The following LRP1B variants were observed in gnomAD, a reference collection of about 807,000 sequenced individuals.
LRP1B encodes low-density lipoprotein receptor-related protein 1B.
A neutral mutation model predicts 556.6 loss-of-function variants in LRP1B; 217 were observed. The observed-to-expected ratio is 0.39, with a 90% CI of 0.35 to 0.44. The LOEUF (loss-of-function observed/expected upper bound fraction) is 0.44. Among genes scored for constraint, LRP1B ranks in the 20% least tolerant of loss-of-function variants. The pLI is 1.00. For synonymous variants in LRP1B, 2,047 were observed against 1,865.8 expected (o/e 1.10, Z -2.50); for missense variants, 5,053 against 5,620.8 (o/e 0.90, Z 3.23).
intron 1 of LRP1B, among the ~76,000 whole-genome samples, chr2:142,014,444 A>G (rs1481061932): frequency 6.6e-6 from 1 of 152,200 alleles, no homozygotes; most frequent in African/African-American, 2.4e-5. Flanking sequence ...GATTGAAAAT[A>G]CAAGCTTTAG....
At chr2:142,007,226 C>T (rs540344010) in intron 1 of LRP1B, among the ~76,000 whole-genome samples, 51 of 152,164 alleles carry the variant, frequency 3.4e-4, no homozygotes, top group Admixed American at 3.9e-4. Context: ...TTTCAAATAT[C>T]GAATTTGTTC....
At position 141,390,263 on chromosome 2, in the gene LRP1B, C is replaced by T. The variant is rs540932137; in HGVS notation, c.343+90133G>A. ...ATAAGGTGGAAAGCCACTCCTCCTA[C>T]AAAGGCTATATTAATATTTTTAATA... On this transcript the variant is annotated intron_variant, in intron 3 of 90. Coordinates refer to ENST00000389484, the MANE Select transcript of LRP1B (RefSeq NM_018557.3). 9.2e-5 allele frequency among the ~76,000 whole-genome samples: 14 copies of T among 152,102 alleles called. No individual in the cohort carries two copies. The East Asian group carries it at 2.3e-3, about 25-fold the overall frequency.
intron 3 of LRP1B, among the ~76,000 whole-genome samples, chr2:141,457,575 G>A (rs887991319): frequency 1.3e-5 from 2 of 152,086 alleles, no homozygotes; most frequent in Admixed American, 6.6e-5. Flanking sequence ...CATCCTACAC[G>A]TGTACCCTGG....
chr2:141,225,550 G>T (rs760492530), intron 6 of LRP1B, among the ~76,000 whole-genome samples: 2 of 152,060 alleles, frequency 1.3e-5, no homozygotes, highest in Non-Finnish European at 2.9e-5. Context: ...CTACAAATGT[G>T]CTTTGTATGA....
At chr2:141,354,751 G>A (rs1688564578) in intron 3 of LRP1B, among the ~76,000 whole-genome samples, 1 of 151,322 alleles carries the variant, frequency 6.6e-6, no homozygotes, top group South Asian at 2.1e-4. Context: ...TTCTACTCAA[G>A]TAAAGTGCAA....
intron 2 of LRP1B, among the ~76,000 whole-genome samples, chr2:141,574,491 T>C (rs539932606): frequency 6.6e-6 from 1 of 151,932 alleles, no homozygotes; most frequent in East Asian, 1.9e-4. Context: ...GTCAGTATCA[T>C]TCAGTATCAT....
chr2:140,816,552 ATTT>A (rs1322989846), intron 31 of LRP1B, among the ~76,000 whole-genome samples: 16 of 152,150 alleles, frequency 1.1e-4, no homozygotes, highest in Admixed American at 8.5e-4. Context: ...TCAAATTAAT[ATTT>A]TTAAGATTCA....
chr2:141,290,366 T>C (rs1685896504), intron 3 of LRP1B, among the ~76,000 whole-genome samples: 1 of 152,162 alleles, frequency 6.6e-6, no homozygotes, highest in Non-Finnish European at 1.5e-5. Flanking sequence ...TTAAAAAATA[T>C]GTATGTTTTG....
intron 35 of LRP1B, among the ~76,000 whole-genome samples, chr2:140,727,452 A>G (rs550897242): frequency 6.6e-6 from 1 of 152,260 alleles, no homozygotes; most frequent in African/African-American, 2.4e-5. Context: ...CCTCTGGAGG[A>G]GGCTATGAAA....
chr2:141,876,356 A>T (rs999917012), intron 1 of LRP1B, among the ~76,000 whole-genome samples: 5 of 151,992 alleles, frequency 3.3e-5, no homozygotes, highest in African/African-American at 1.2e-4. Context: ...GTAGTGGAAA[A>T]TAAAAACAGT....
At chr2:141,978,370 G>A (rs920488352) in intron 1 of LRP1B, among the ~76,000 whole-genome samples, 6 of 151,828 alleles carry the variant, frequency 4.0e-5, no homozygotes, top group African/African-American at 1.4e-4. Context: ...AGCATTTTGG[G>A]GTAGAAGAAT....
chr2:141,927,753 A>T (rs1700372656), intron 1 of LRP1B, among the ~76,000 whole-genome samples: 1 of 152,012 alleles, frequency 6.6e-6, no homozygotes, highest in Non-Finnish European at 1.5e-5. Context: ...GAAAAGACTG[A>T]TGGAAGAATC....
chr2:141,626,286 C>T (rs933137364), intron 2 of LRP1B, among the ~76,000 whole-genome samples: 2 of 152,130 alleles, frequency 1.3e-5, no homozygotes, highest in African/African-American at 4.8e-5. Flanking sequence ...AGACCCAGAC[C>T]TAACAGCCAT....
At chr2:140,511,292 CTTTTTTTTTTTTTTTT>C (rs70985101) in intron 51 of LRP1B, among the ~76,000 whole-genome samples, 4 of 58,458 alleles carry the variant, frequency 6.8e-5, no homozygotes, top group Admixed American at 2.6e-4. Flanking sequence ...CTCTAAGGGT[CTTTTTTTTTTTTTTTT>C]TTTTTTTTTT....
intron 3 of LRP1B, among the ~76,000 whole-genome samples, chr2:141,286,030 G>C (rs1685707115): frequency 7.7e-6 from 1 of 129,418 alleles, no homozygotes; most frequent in South Asian, 2.4e-4. Context: ...TCCCGCCACT[G>C]CACTCCAGCC....
intron 7 of LRP1B, among the ~76,000 whole-genome samples, chr2:141,076,052 G>A (rs1357966): frequency 0.85 from 128,853 of 152,206 alleles, 54,917 homozygotes; most frequent in Non-Finnish European, 0.89. Flanking sequence ...TTGCTGTGAG[G>A]GGCAGATGTA....
intron 51 of LRP1B, among the ~76,000 whole-genome samples, chr2:140,510,362 G>C (rs1388130134): frequency 7.9e-5 from 12 of 152,130 alleles, no homozygotes; most frequent in Admixed American, 7.9e-4. Context: ...AATACACTGA[G>C]ATAACATTTC....
At chr2:140,950,170 T>C in intron 20 of LRP1B, 65 bp downstream of exon 20, 1 of 1,186,350 alleles carries the variant, frequency 8.4e-7, no homozygotes, top group Non-Finnish European at 1.2e-6. Context: ...CTCTCTGTAA[T>C]ACCCTAAGTA....
At chr2:141,527,059 C>T (rs1315045250) in intron 2 of LRP1B, among the ~76,000 whole-genome samples, 1 of 151,980 alleles carries the variant, frequency 6.6e-6, no homozygotes, top group Non-Finnish European at 1.5e-5. Flanking sequence ...CAAAACTGTA[C>T]CTAGTCATGG....
Sources: allele counts gnomAD v4.1 joint callset (sites outside exome capture counted in the v4.1 genomes callset), GRCh38; gene constraint gnomAD v4.1.1; transcripts MANE v1.5; gene names NCBI Gene and HGNC (gene_info 2026-07-23, HGNC 2026-07-21).